Variants in SCN11A observed in about 807,000 individuals in gnomAD.
The protein encoded by SCN11A is sodium voltage-gated channel alpha subunit 11, also known as sodium channel protein type 11 subunit alpha.
A neutral mutation model predicts 162.2 loss-of-function variants in SCN11A; 122 were observed. The ratio of observed to expected loss-of-function variants is 0.75; its 90% CI spans 0.65 to 0.87. The LOEUF is 0.87. Ranked by LOEUF, SCN11A falls within the 40% of genes least tolerant of loss-of-function variation. The pLI, the probability that SCN11A is intolerant of heterozygous loss-of-function variation, is 0.00. For synonymous variants in SCN11A, 758 were observed against 751.5 expected (o/e 1.01, Z -0.14); for missense variants, 2,015 against 2,181.6 (o/e 0.92, Z 1.52).
At position 38,985,073 on chromosome 3, in the gene SCN11A, A is replaced by G. The variant is rs544612194; in HGVS notation, c.-279-24650T>C. Among the ~76,000 whole-genome samples the G allele has an allele frequency of 6.0e-5, 9 of 150,438 alleles. No homozygotes were observed. In the East Asian group the frequency reaches 1.7e-3, roughly 29 times the overall value. On this transcript the variant is annotated intron_variant, in intron 2 of 29. Coordinates refer to ENST00000302328, the MANE Select transcript of SCN11A (RefSeq NM_001349253.2). ...TACAATGAAAGCCACAGGAGGGCTT[A>G]AACAGAGGATGACATATTCGGATTT...
At chr3:38,928,585 A>C (rs1204111151) in intron 7 of SCN11A, among the ~76,000 whole-genome samples, 1 of 152,178 alleles carries the variant, frequency 6.6e-6, no homozygotes, top group African/African-American at 2.4e-5. Flanking sequence ...ACAACTCAAC[A>C]ATAAAAAATT....
chr3:38,867,555 C>T, intron 26 of SCN11A, 97 bp from the exon 27 acceptor site: 2 of 901,750 alleles, frequency 2.2e-6, no homozygotes, highest in Non-Finnish European at 3.4e-6. Flanking sequence ...TGTTTCTTAG[C>T]AGCAACATTG....
At chr3:38,972,244 T>C (rs72855777) in intron 2 of SCN11A, among the ~76,000 whole-genome samples, 8,224 of 152,032 alleles carry the variant, frequency 0.054, 729 homozygotes, top group African/African-American at 0.18. Flanking sequence ...CCCCTTACAG[T>C]CTCAGATTTT....
intron 1 of SCN11A, among the ~76,000 whole-genome samples, chr3:39,049,592 A>T (rs1264357587): frequency 6.6e-6 from 1 of 152,236 alleles, no homozygotes; most frequent in East Asian, 1.9e-4. Flanking sequence ...GGTATTGGTC[A>T]CTGCTTCTGA....
At chr3:38,878,854 T>C (rs898255359) in intron 23 of SCN11A, among the ~76,000 whole-genome samples, 1 of 152,088 alleles carries the variant, frequency 6.6e-6, no homozygotes, top group Non-Finnish European at 1.5e-5. Context: ...CCTGACCACA[T>C]GGTTTATGCT....
At chr3:38,858,788 A>C (rs1309439713) in intron 28 of SCN11A, among the ~76,000 whole-genome samples, 1 of 152,170 alleles carries the variant, frequency 6.6e-6, no homozygotes, top group Non-Finnish European at 1.5e-5. Flanking sequence ...ACAAGTCATA[A>C]TAAATTTAAG....
intron 2 of SCN11A, among the ~76,000 whole-genome samples, chr3:38,975,357 A>C (rs567015362): frequency 9.4e-4 from 143 of 152,300 alleles, no homozygotes; most frequent in African/African-American, 3.3e-3. Flanking sequence ...GTTAATAATA[A>C]CATTAACAAT....
chr3:38,979,493 T>G (rs2029933473), intron 2 of SCN11A, among the ~76,000 whole-genome samples: 1 of 152,196 alleles, frequency 6.6e-6, no homozygotes, highest in African/African-American at 2.4e-5. Context: ...CCATGGTCCA[T>G]CCTTTGCAGA....
chr3:38,935,220 C>A (rs1400187206), intron 7 of SCN11A, among the ~76,000 whole-genome samples: 3 of 151,986 alleles, frequency 2.0e-5, no homozygotes, highest in Non-Finnish European at 4.4e-5. Context: ...GGGACACATT[C>A]AAAGCAGTGT....
In SCN11A at chr3:38,897,111, A is replaced by T. The variant is rs757732637; in HGVS notation, c.2137T>A (p.Phe713Ile). ...TGCATGCCAACTACTGAGAAAATAA[A>T]GATCACAATGACCAGGACCACAGTC... ...SLTVVLVIVI[F>I]IFSVVGMQLF... Residue 713 changes from phenylalanine to isoleucine, a missense_variant, in exon 18 of 30, where the codon TTT becomes ATT. Transcript: ENST00000302328. 1 of 1,614,170 alleles carries T rather than the reference A, an allele frequency of 6.2e-7. No homozygotes were observed. Among genetic ancestry groups the T allele is most frequent in the Non-Finnish European group, 8.5e-7 (1 of 1,180,018 alleles).
rs528579929 is a variant in SCN11A, at chr3:38,953,055, TTTG to T, written c.-8+571_-8+573del. Among the ~76,000 whole-genome samples the T allele has an allele frequency of 5.4e-3, 820 of 152,062 alleles. 6 individuals carry two copies. The highest frequency in any genetic ancestry group is 0.019 in the African/African-American group (773 of 41,394). ...CGAAACACTATCAGATTTGTTTTTTTTTGTTGTTGTTGTTGTTTTTTTAAAGAA... is the reference window on the plus strand; with the variant it reads ...CGAAACACTATCAGATTTGTTTTTTTTTGTTGTTGTTGTTTTTTTAAAGAA... On this transcript the variant is annotated intron_variant, in intron 4 of 29. Transcript: ENST00000302328.
intron 2 of SCN11A, among the ~76,000 whole-genome samples, chr3:39,012,054 A>G (rs2031155097): frequency 6.6e-6 from 1 of 152,234 alleles, no homozygotes; most frequent in East Asian, 1.9e-4. Flanking sequence ...GGCCAGGAGC[A>G]GTGGCTCATG....
At chr3:39,019,650 A>C (rs1184716163) in intron 2 of SCN11A, among the ~76,000 whole-genome samples, 1 of 152,184 alleles carries the variant, frequency 6.6e-6, no homozygotes, top group Admixed American at 6.5e-5. Context: ...CTTTACCTGA[A>C]GTCAAAGTCC....
chr3:39,048,754 G>A (rs2032246139), intron 1 of SCN11A, among the ~76,000 whole-genome samples: 1 of 152,188 alleles, frequency 6.6e-6, no homozygotes, highest in Non-Finnish European at 1.5e-5. Flanking sequence ...GACTTCCACT[G>A]TGAGTTTAGA....
intron 11 of SCN11A, among the ~76,000 whole-genome samples, chr3:38,914,991 G>T (rs892720297): frequency 6.6e-6 from 1 of 152,046 alleles, no homozygotes; most frequent in Admixed American, 6.6e-5. Flanking sequence ...TGGTCTCATT[G>T]AATGATTTGG....
rs759894698 is a variant in SCN11A at position 38,950,195 on chromosome 3, T to C, written c.168A>G (p.Leu56=). 58 of 1,613,686 alleles carry C rather than the reference T, an allele frequency of 3.6e-5. No homozygotes were observed. The Admixed American group carries it at 5.5e-4, about 15-fold the overall frequency. ...EVPQPRPQLD[L]KASRKLPKLY... is the part of the protein sequence containing the mutation. Reference sequence around the variant, plus strand: ...GCTTGGGCAACTTCCTGGAGGCCTTTAGGTCAAGCTGAGGCCGAGGCTGGG... The same window carrying C: ...GCTTGGGCAACTTCCTGGAGGCCTTCAGGTCAAGCTGAGGCCGAGGCTGGG... The change falls in exon 5 of 30, where the codon CTA becomes CTG. Residue 56 remains leucine (L), a synonymous_variant. Transcript: ENST00000302328.
intron 16 of SCN11A, 30 bp downstream of exon 16, chr3:38,903,835 G>GT (rs778015419): frequency 6.9e-7 from 1 of 1,456,334 alleles, no homozygotes; most frequent in Non-Finnish European, 9.4e-7. Context: ...TATGAAATAT[G>GT]TTTTTTATTT....
intron 2 of SCN11A, among the ~76,000 whole-genome samples, chr3:39,009,658 TAC>T (rs1328556591): frequency 6.8e-6 from 1 of 146,048 alleles, no homozygotes; most frequent in East Asian, 2.0e-4. Context: ...AAAGAGTGTG[TAC>T]AGTCTTTTAA....
Position 38,847,271 on chromosome 3 carries a change from A to G in SCN11A, c.4799T>C (p.Ile1600Thr). The part of the protein sequence containing the change: ...ISFLIVVNMY[I>T]AVILENFNTA... ...ATTGAAGTTCTCTAAAATCACAGCA[A>G]TGTACATGTTGACAACAATGAGAAA... Residue 1600 changes from isoleucine to threonine, a missense_variant, in exon 30 of 30, where the codon ATT becomes ACT. Transcript: ENST00000302328. The G allele has an allele frequency of 6.2e-7, 1 of 1,614,182 alleles. No homozygotes were observed. Among genetic ancestry groups the G allele is most frequent in the Non-Finnish European group, 8.5e-7 (1 of 1,179,980 alleles).
Sources: allele counts gnomAD v4.1 joint callset (sites outside exome capture counted in the v4.1 genomes callset), GRCh38; gene constraint gnomAD v4.1.1; transcripts MANE v1.5; gene names NCBI Gene and HGNC (gene_info 2026-07-23, HGNC 2026-07-21).